The following STOX2 variants were observed in gnomAD, a reference collection of about 807,000 sequenced individuals.
The protein encoded by STOX2 is storkhead box 2, also known as storkhead-box protein 2.
A neutral mutation model predicts 60.9 loss-of-function variants in STOX2; 28 were observed. That is an observed-to-expected ratio of 0.46 (90% CI 0.34 to 0.63). STOX2 has a LOEUF of 0.63. STOX2 is among the 30% of genes least tolerant of loss of function. The pLI is 0.01. For synonymous variants in STOX2, 472 were observed against 463.9 expected, an observed-to-expected ratio of 1.02 and a Z score of -0.22; for missense variants, 1,024 against 1,187.7, an observed-to-expected ratio of 0.86 and a Z score of 2.03.
At chr4:183,890,886 T>A (rs1377980490) in intron 1 of STOX2, among the ~76,000 whole-genome samples, 1 of 152,152 alleles carries the variant, frequency 6.6e-6, no homozygotes, top group Non-Finnish European at 1.5e-5. Context: ...GGCGGGAGGA[T>A]CGCTGAAGGC....
rs183106595 is a variant in STOX2, at chr4:184,022,171, G to A, written c.*4887G>A. On this transcript the variant is annotated 3_prime_UTR_variant, in exon 4 of 4. Coordinates refer to ENST00000308497, the MANE Select transcript of STOX2 (RefSeq NM_020225.3). The stretch of plus-strand genomic sequence containing the variant: ...CAACTGTCACCCCATTCCTTTCCCA[G>A]AAGGTCTTATGGTATTAAGGATACA... 6 of 152,360 alleles carry A rather than the reference G, an allele frequency of 3.9e-5. No individual in the cohort carries two copies. The highest frequency in any genetic ancestry group is 3.3e-4 in the Admixed American group (5 of 15,304). 9.4% of individuals were successfully genotyped at this position (152,360 alleles called of 1,614,324 possible).
At chr4:183,875,884 A>AT (rs1205810099) in intron 1 of STOX2, among the ~76,000 whole-genome samples, 1 of 152,108 alleles carries the variant, frequency 6.6e-6, no homozygotes, top group Non-Finnish European at 1.5e-5. Flanking sequence ...CGCTGGGCTA[A>AT]TTTTTTAAAA....
intron 1 of STOX2, among the ~76,000 whole-genome samples, chr4:183,876,032 T>C (rs978796488): frequency 9.2e-5 from 14 of 152,232 alleles, no homozygotes; most frequent in Admixed American, 8.5e-4. Flanking sequence ...CTTTAGATAC[T>C]GTTGACCAGA....
intron 1 of STOX2, among the ~76,000 whole-genome samples, chr4:183,928,796 A>G (rs1270796508): frequency 6.6e-6 from 1 of 151,630 alleles, no homozygotes; most frequent in African/African-American, 2.4e-5. Flanking sequence ...ACAGAGCGAG[A>G]CTCCATCTCA....
chr4:183,951,193 C>A lies in STOX2; in HGVS notation c.166+44237C>A, dbSNP rs371313495. Among the ~76,000 whole-genome samples the A allele has an allele frequency of 1.7e-3, 246 of 143,462 alleles. 2 individuals carry two copies. Among genetic ancestry groups the A allele is most frequent in the Non-Finnish European group, 9.5e-4 (63 of 66,500 alleles). The allele number at this position is 143,462 out of a possible 152,430, so 94.1% of individuals were successfully genotyped here. On this transcript the variant is annotated intron_variant, in intron 1 of 3. Coordinates refer to ENST00000308497, the MANE Select transcript of STOX2 (RefSeq NM_020225.3). ...TCGCGCCACTGCACTCCAGCCTGGG[C>A]GACAGAGCGAGACTCCGTCTCAAAA... is the stretch of plus-strand genomic sequence containing the variant.
At chr4:183,962,849 T>C (rs563139132) in intron 1 of STOX2, among the ~76,000 whole-genome samples, 1 of 152,272 alleles carries the variant, frequency 6.6e-6, no homozygotes, top group Admixed American at 6.5e-5. Flanking sequence ...GTTCAAGAAA[T>C]TTAAAAATAC....
intron 2 of STOX2, among the ~76,000 whole-genome samples, chr4:184,005,572 G>C (rs564981828): frequency 6.6e-6 from 1 of 151,874 alleles, no homozygotes; most frequent in Non-Finnish European, 1.5e-5. Flanking sequence ...TCAGGTTCAG[G>C]CCTGTTAGGA....
intron 1 of STOX2, among the ~76,000 whole-genome samples, chr4:183,908,960 G>T (rs1463997768): frequency 6.6e-6 from 1 of 152,226 alleles, no homozygotes; most frequent in African/African-American, 2.4e-5. Flanking sequence ...GGGTTATAGG[G>T]TTGGATATAA....
At chr4:183,829,120 T>C (rs189740518) in intron 1 of STOX2, among the ~76,000 whole-genome samples, 23 of 152,350 alleles carry the variant, frequency 1.5e-4, no homozygotes, top group African/African-American at 5.3e-4. Flanking sequence ...CAAGAGAATT[T>C]AGAAATAAAC....
At chr4:183,830,193 G>A (rs1240043158) in intron 1 of STOX2, among the ~76,000 whole-genome samples, 1 of 152,130 alleles carries the variant, frequency 6.6e-6, no homozygotes, top group Non-Finnish European at 1.5e-5. Flanking sequence ...AGGGTCACCT[G>A]GTGCGTTGTT....
intron 1 of STOX2, among the ~76,000 whole-genome samples, chr4:183,967,041 T>A (rs770953972): frequency 1.3e-5 from 2 of 152,138 alleles, no homozygotes; most frequent in African/African-American, 2.4e-5. Flanking sequence ...GTAGTTGTTA[T>A]GAGTAGGAGG....
At chr4:184,004,860 G>C (rs1321166348) in intron 2 of STOX2, among the ~76,000 whole-genome samples, 1 of 152,204 alleles carries the variant, frequency 6.6e-6, no homozygotes, top group Non-Finnish European at 1.5e-5. Context: ...CTGTTAAGCT[G>C]TTACAACTGA....
rs145746112 is a variant in STOX2 at position 183,970,608 on chromosome 4, C to T, written c.167-30717C>T. On this transcript the variant is annotated intron_variant, in intron 1 of 3. Coordinates refer to ENST00000308497, the MANE Select transcript of STOX2 (RefSeq NM_020225.3). ...ACCACATACACACAAGGAGGATGTTCGGGTGGCCCCCGCTCTCAGCTAGAG... is the reference window on the plus strand; with the variant it reads ...ACCACATACACACAAGGAGGATGTTTGGGTGGCCCCCGCTCTCAGCTAGAG... Among the ~76,000 whole-genome samples the T allele has an allele frequency of 3.4e-3, 515 of 152,274 alleles. 5 individuals are homozygous for T. The highest frequency in any genetic ancestry group is 0.012 in the African/African-American group (499 of 41,556).
chr4:183,904,693 C>G (rs1028314320), upstream of STOX2, among the ~76,000 whole-genome samples: 1 of 152,204 alleles, frequency 6.6e-6, no homozygotes, highest in African/African-American at 2.4e-5. Context: ...AGAGGGCGGT[C>G]TTGAGATCTG....
At chr4:184,000,318 G>C (rs17075203) in intron 1 of STOX2, among the ~76,000 whole-genome samples, 4,500 of 152,280 alleles carry the variant, frequency 0.03, 73 homozygotes, top group Admixed American at 0.064. Context: ...GACATCTCAA[G>C]AGTCACCGTC....
chr4:183,916,254 C>G (rs1741929150), intron 1 of STOX2, among the ~76,000 whole-genome samples: 1 of 152,176 alleles, frequency 6.6e-6, no homozygotes, highest in South Asian at 2.1e-4. Flanking sequence ...TTGGTGGTGG[C>G]TGTATGTTTC....
chr4:183,898,210 G>A (rs966681830), intron 1 of STOX2, among the ~76,000 whole-genome samples: 27 of 152,200 alleles, frequency 1.8e-4, no homozygotes, highest in African/African-American at 6.5e-4. Context: ...TCAGGAGATA[G>A]GAAGGCTGTA....
chr4:183,952,973 G>T (rs1743136992), intron 1 of STOX2, among the ~76,000 whole-genome samples: 2 of 152,166 alleles, frequency 1.3e-5, no homozygotes, highest in Non-Finnish European at 2.9e-5. Context: ...TCACTCATAA[G>T]TGGGAGCTGA....
At chr4:183,832,045 A>C (rs1319021547) in intron 1 of STOX2, among the ~76,000 whole-genome samples, 1 of 148,968 alleles carries the variant, frequency 6.7e-6, no homozygotes, top group East Asian at 2.0e-4. Flanking sequence ...GCTGGAGTGC[A>C]ATGGAGTGAT....
Sources: gnomAD v4.1 joint callset for allele counts (sites outside exome capture counted in the v4.1 genomes callset) on GRCh38, gnomAD v4.1.1 for gene constraint, MANE v1.5 for transcripts, NCBI Gene and HGNC (gene_info 2026-07-23, HGNC 2026-07-21) for gene names.